The following MFSD6 variants were observed in gnomAD, a reference collection of about 807,000 sequenced individuals.
MFSD6 encodes major facilitator superfamily domain-containing protein 6.
In MFSD6, 26 loss-of-function variants were observed where a neutral mutation model predicts 56.3. That is an observed-to-expected ratio of 0.46 (90% CI 0.34 to 0.64). MFSD6 has a LOEUF of 0.64. MFSD6 is among the 30% of genes least tolerant of loss of function. MFSD6 has a pLI of 0.01. For missense variants in MFSD6, 750 were observed against 986.2 expected, an observed-to-expected ratio of 0.76 and a Z score of 3.21; for synonymous variants, 331 against 366.9, an observed-to-expected ratio of 0.90 and a Z score of 1.12.
In MFSD6 at chr2:190,434,961, C is replaced by T. The variant is rs1353195575; in HGVS notation, c.-53-1016C>T. ...TATTAGATTTGCATAGGAGCATGAA[C>T]GCTATTGTGAACTGTGCATGCGAGG... On this transcript the variant is annotated intron_variant, in intron 2 of 7. Transcript: ENST00000392328. This position sits in a 1 kb window ranked among gnomAD's most constrained non-coding sequence, Gnocchi z 4.3. Among the ~76,000 whole-genome samples, 6 of 152,136 alleles carry T rather than the reference C, an allele frequency of 3.9e-5. No individual in the cohort carries two copies. The highest frequency in any genetic ancestry group is 7.3e-5 in the Non-Finnish European group (5 of 68,036).
chr2:190,437,519 AT>A lies in MFSD6; in HGVS notation c.1497del (p.Phe499LeufsTer8). ...VLSHVSELTAYFFSHKLIELI... is the reference protein window; with the variant it reads ...VLSHVSELTAXFFSHKLIELI... ...AGTCATGTGTCTGAGCTGACAGCAT[AT>A]TTTTTTAGTCACAAGCTTATTGAAT... On this transcript the variant is annotated frameshift_variant, in exon 3 of 8. Transcript: ENST00000392328. LOFTEE classifies it high-confidence loss of function. This position sits in a 1 kb window ranked among gnomAD's most constrained non-coding sequence, Gnocchi z 5.9. 1.2e-6 allele frequency: 2 copies of A among 1,613,986 alleles called. No homozygotes were observed. The highest frequency in any genetic ancestry group is 1.7e-6 in the Non-Finnish European group (2 of 1,179,950).
chr2:190,481,221 T>A (rs1218035559), intron 4 of MFSD6, among the ~76,000 whole-genome samples: 1 of 152,244 alleles, frequency 6.6e-6, no homozygotes, highest in Non-Finnish European at 1.5e-5. Context: ...GCCAAAGGCA[T>A]AATGCCAGCA....
rs969446002 is a variant in MFSD6, at chr2:190,431,142, C to A, written c.-53-4835C>A. ...GCAGAGGCGCTCCCCACATCTCAGACGATGGGCAGCCAGGCAGAGACGCTC... is the reference window on the plus strand; with the variant it reads ...GCAGAGGCGCTCCCCACATCTCAGAAGATGGGCAGCCAGGCAGAGACGCTC... On this transcript the variant is annotated intron_variant, in intron 2 of 7. Transcript: ENST00000392328. This position sits in a 1 kb window ranked among gnomAD's most constrained non-coding sequence, Gnocchi z 4.4. Among the ~76,000 whole-genome samples, 17 of 141,522 alleles carry A rather than the reference C, an allele frequency of 1.2e-4. No homozygotes were observed. The highest frequency in any genetic ancestry group is 4.3e-4 in the African/African-American group (16 of 37,192). 92.8% of individuals were successfully genotyped at this position (141,522 alleles called of 152,430 possible). A position where few individuals can be genotyped will look rare whatever the true frequency, so the allele number is the denominator to read the frequency against.
chr2:190,411,587 A>G (rs1209573976), intron 1 of MFSD6: 1 of 979,392 alleles, frequency 1.0e-6, no homozygotes, highest in Non-Finnish European at 1.2e-6. Context: ...TATTATATAA[A>G]CTAAAAAGGA....
intron 2 of MFSD6, 107 bp from the exon 3 acceptor site, chr2:190,435,870 C>G (rs767600077): frequency 7.4e-6 from 7 of 949,930 alleles, no homozygotes; most frequent in South Asian, 4.2e-5. Context: ...TTCTCTCTTG[C>G]AATTATTATT....
At chr2:190,452,148 A>C (rs746563611) in intron 3 of MFSD6, among the ~76,000 whole-genome samples, 1 of 152,142 alleles carries the variant, frequency 6.6e-6, no homozygotes, top group Non-Finnish European at 1.5e-5. Context: ...AAAAACAAAA[A>C]TAAGTTTAAA....
At chr2:190,473,524 A>G (rs1363792712) in intron 4 of MFSD6, among the ~76,000 whole-genome samples, 1 of 152,224 alleles carries the variant, frequency 6.6e-6, no homozygotes, top group Non-Finnish European at 1.5e-5. Context: ...AGAGCTAACT[A>G]TCCTAAATAT....
Position 190,492,968 on chromosome 2 carries a change from A to T in MFSD6, c.1891+3102A>T, listed in dbSNP as rs35095338. Among the ~76,000 whole-genome samples, 71,694 of 150,100 alleles carry T rather than the reference A, an allele frequency of 0.48. 17,426 individuals are homozygous for T. Among genetic ancestry groups the T allele is most frequent in the Admixed American group, 0.61 (9,300 of 15,130 alleles). On this transcript the variant is annotated intron_variant, in intron 6 of 7. Transcript: ENST00000392328. This position sits in a 1 kb window ranked among gnomAD's most constrained non-coding sequence, Gnocchi z 5.2. The stretch of plus-strand genomic sequence containing the variant: ...AGGACCTATAAAACAAAATACAATT[A>T]AAAAAAAAAGCAAGGTATATAGGCA...
intron 3 of MFSD6, among the ~76,000 whole-genome samples, chr2:190,448,838 G>T (rs1284285510): frequency 6.6e-6 from 1 of 152,132 alleles, no homozygotes; most frequent in African/African-American, 2.4e-5. Context: ...GTGCTAGACA[G>T]TCTCTACCTT....
In MFSD6 at chr2:190,500,389, A is replaced by G; in HGVS notation, c.*171A>G. On this transcript the variant is annotated 3_prime_UTR_variant, in exon 8 of 8. Coordinates refer to ENST00000392328, the MANE Select transcript of MFSD6 (RefSeq NM_017694.4). The surrounding 1 kb of genome is among the most constrained non-coding windows in gnomAD (Gnocchi z 5.3). ...CACACACACAGGAGCTACAGTACAT[A>G]TTGGCAGGAAAAGGTAAACTTTCGT... 1 of 698,784 alleles carries G rather than the reference A, an allele frequency of 1.4e-6. No individual in the cohort carries two copies. Among genetic ancestry groups the G allele is most frequent in the Non-Finnish European group, 2.3e-6 (1 of 428,258 alleles). The allele number at this position is 698,784 out of a possible 1,614,324, so 43.3% of individuals were successfully genotyped here.
At position 190,443,300 on chromosome 2, in the gene MFSD6, C is replaced by T. The variant is rs557135662; in HGVS notation, c.1532+5739C>T. Among the ~76,000 whole-genome samples, 5 of 152,262 alleles carry T rather than the reference C, an allele frequency of 3.3e-5. No individual in the cohort carries two copies. The East Asian group carries it at 9.6e-4, about 29-fold the overall frequency. ...GAACTATATGGCCTTGGACAAGTTA[C>T]AGAACTTTTTGCATCTCTGTATTGT... On this transcript the variant is annotated intron_variant, in intron 3 of 7. Transcript: ENST00000392328. The surrounding 1 kb of genome is among the most constrained non-coding windows in gnomAD (Gnocchi z 4.2).
chr2:190,482,868 C>CTTTTTTTTTTTTTTTTTT lies in MFSD6; in HGVS notation c.1631-5771_1631-5754dup, dbSNP rs199927176. Among the ~76,000 whole-genome samples the CTTTTTTTTTTTTTTTTTT allele has an allele frequency of 8.3e-5, 4 of 48,292 alleles. 1 individual carries two copies. The highest frequency in any genetic ancestry group is 7.0e-4 in the East Asian group (1 of 1,434). The allele number at this position is 48,292 out of a possible 152,430, so 31.7% of individuals were successfully genotyped here. A position where few individuals can be genotyped will look rare whatever the true frequency, so the allele number is the denominator to read the frequency against. On this transcript the variant is annotated intron_variant, in intron 4 of 7. Coordinates refer to ENST00000392328, the MANE Select transcript of MFSD6 (RefSeq NM_017694.4). ...GGAGAAGAGTTATTAAGACTATCAT[C>CTTTTTTTTTTTTTTTTTT]TTTTTTTTTTTTTTTTTTTTTTTTT...
intron 4 of MFSD6, among the ~76,000 whole-genome samples, chr2:190,476,821 T>C (rs1688346804): frequency 6.6e-6 from 1 of 151,970 alleles, no homozygotes; most frequent in South Asian, 2.1e-4. Context: ...CCAACAGTGA[T>C]AGACTGGATT....
chr2:190,422,458 A>G (rs1275823658), intron 2 of MFSD6, among the ~76,000 whole-genome samples: 1 of 152,154 alleles, frequency 6.6e-6, no homozygotes, highest in Non-Finnish European at 1.5e-5. Flanking sequence ...GAAAGGGTAC[A>G]TAAGAGATAA....
At position 190,485,017 on chromosome 2, in the gene MFSD6, GA is replaced by G. The variant is rs1688931663; in HGVS notation, c.1631-3637del. 6.6e-6 allele frequency among the ~76,000 whole-genome samples: 1 copy of G among 152,136 alleles called. No individual in the cohort carries two copies. The highest frequency in any genetic ancestry group is 2.1e-4 in the South Asian group (1 of 4,828). On this transcript the variant is annotated intron_variant, in intron 4 of 7. Transcript: ENST00000392328. This position sits in a 1 kb window ranked among gnomAD's most constrained non-coding sequence, Gnocchi z 5.1. ...TCTAATCAGTCTCAAAAGCAATATA[GA>G]AACTAGAAGTCTAACTGTGGAGAAT...
chr2:190,442,389 G>A (rs1371920527), intron 3 of MFSD6, among the ~76,000 whole-genome samples: 7 of 152,138 alleles, frequency 4.6e-5, no homozygotes. Flanking sequence ...GCTGGGATCA[G>A]TAACCTGAAT....
chr2:190,427,919 A>G (rs1685834270), intron 2 of MFSD6, among the ~76,000 whole-genome samples: 1 of 152,090 alleles, frequency 6.6e-6, no homozygotes. Flanking sequence ...TTTAGTAGAG[A>G]TGGGGTTTCA....
At chr2:190,422,724 A>G (rs1685665572) in intron 2 of MFSD6, among the ~76,000 whole-genome samples, 1 of 152,058 alleles carries the variant, frequency 6.6e-6, no homozygotes, top group South Asian at 2.1e-4. Flanking sequence ...GGGTCATTTC[A>G]CTCAGACAAC....
rs1689858394 is a variant in MFSD6, at chr2:190,498,842, T to C, written c.2172+1123T>C. Among the ~76,000 whole-genome samples, 1 of 152,168 alleles carries C rather than the reference T, an allele frequency of 6.6e-6. No homozygotes were observed. Among genetic ancestry groups the C allele is most frequent in the Non-Finnish European group, 1.5e-5 (1 of 68,040 alleles). The stretch of plus-strand genomic sequence containing the variant: ...TTGATGTGGCGCTTTTTTTCTGGTA[T>C]GTTAGGATTAATAAATTTTTTTCTG... On this transcript the variant is annotated intron_variant, in intron 7 of 7. Coordinates refer to ENST00000392328, the MANE Select transcript of MFSD6 (RefSeq NM_017694.4). This position sits in a 1 kb window ranked among gnomAD's most constrained non-coding sequence, Gnocchi z 5.9.
Sources: allele counts gnomAD v4.1 joint callset (sites outside exome capture counted in the v4.1 genomes callset), GRCh38; gene constraint gnomAD v4.1.1; non-coding constraint Gnocchi (gnomAD v3.1); transcripts MANE v1.5; gene names NCBI Gene and HGNC (gene_info 2026-07-23, HGNC 2026-07-21).